Variants in NRXN3 observed in about 807,000 individuals in gnomAD.
NRXN3 encodes the protein neurexin 3.
A neutral mutation model predicts 137.6 loss-of-function variants in NRXN3; 32 were observed. That is an observed-to-expected ratio of 0.23 (90% confidence interval 0.18 to 0.31). NRXN3 has a LOEUF of 0.31. Ranked by LOEUF, NRXN3 falls within the 10% of genes least tolerant of loss-of-function variation. NRXN3 has a pLI of 1.00. For missense variants in NRXN3, 1,574 were observed against 2,062.5 expected, an observed-to-expected ratio of 0.76 and a Z score of 4.59; for synonymous variants, 798 against 784.5, an observed-to-expected ratio of 1.02 and a Z score of -0.29.
chr14:78,206,919 A>C (rs1359139721), intron 1 of NRXN3, among the ~76,000 whole-genome samples: 1 of 151,782 alleles, frequency 6.6e-6, no homozygotes, highest in African/African-American at 2.4e-5. Flanking sequence ...GCTGGAGTGC[A>C]GTGGTGAGAT....
intron 10 of NRXN3, among the ~76,000 whole-genome samples, chr14:78,866,117 T>G (rs942684138): frequency 1.3e-5 from 2 of 152,208 alleles, no homozygotes; most frequent in African/African-American, 2.4e-5. Flanking sequence ...TACAGATGTT[T>G]GGATCACTGA....
At chr14:78,606,065 A>C (rs891944211) in intron 4 of NRXN3, among the ~76,000 whole-genome samples, 1 of 152,064 alleles carries the variant, frequency 6.6e-6, no homozygotes, top group Admixed American at 6.6e-5. Context: ...AAGAGAGAGG[A>C]AAAAAAGATC....
chr14:79,668,785 G>A (rs950829867), intron 17 of NRXN3, among the ~76,000 whole-genome samples: 1 of 151,982 alleles, frequency 6.6e-6, no homozygotes, highest in Non-Finnish European at 1.5e-5. Context: ...CCACTCTCAT[G>A]TTTCCACAAG....
chr14:78,728,682 G>A (rs1369032014), intron 8 of NRXN3, among the ~76,000 whole-genome samples: 1 of 152,018 alleles, frequency 6.6e-6, no homozygotes, highest in African/African-American at 2.4e-5. Flanking sequence ...CGGATCACGA[G>A]GTCATGAGTT....
At chr14:79,707,052 G>A (rs1293144923) in intron 19 of NRXN3, among the ~76,000 whole-genome samples, 2 of 152,066 alleles carry the variant, frequency 1.3e-5, no homozygotes, top group East Asian at 1.9e-4. Flanking sequence ...TATATTGTGT[G>A]AGCACCATTT....
chr14:79,154,631 C>T (rs921015469), intron 15 of NRXN3, among the ~76,000 whole-genome samples: 2 of 151,738 alleles, frequency 1.3e-5, no homozygotes, highest in African/African-American at 4.8e-5. Flanking sequence ...CCTCATTTAA[C>T]CTCTCTAGAC....
At chr14:78,656,771 C>A (rs936692973) in intron 6 of NRXN3, among the ~76,000 whole-genome samples, 2 of 152,166 alleles carry the variant, frequency 1.3e-5, no homozygotes, top group East Asian at 3.9e-4. Flanking sequence ...CGGCCGAGTG[C>A]GGTGGCTTAC....
intron 15 of NRXN3, among the ~76,000 whole-genome samples, chr14:79,381,433 A>G (rs1222860039): frequency 6.6e-6 from 1 of 152,092 alleles, no homozygotes; most frequent in African/African-American, 2.4e-5. Flanking sequence ...TATCATCAGA[A>G]TACCTGGCCC....
At chr14:78,226,946 T>C (rs904218366) in intron 1 of NRXN3, among the ~76,000 whole-genome samples, 1 of 152,202 alleles carries the variant, frequency 6.6e-6, no homozygotes, top group Non-Finnish European at 1.5e-5. Flanking sequence ...GGTGGGCCCA[T>C]TGTGTGCCAT....
intron 2 of NRXN3, among the ~76,000 whole-genome samples, chr14:78,252,436 A>G (rs1312801946): frequency 6.6e-6 from 1 of 152,166 alleles, no homozygotes; most frequent in African/African-American, 2.4e-5. Flanking sequence ...TGAAATGCAT[A>G]TAGGATCCTT....
At chr14:78,785,510 A>G (rs1011622720) in intron 8 of NRXN3, among the ~76,000 whole-genome samples, 1 of 152,212 alleles carries the variant, frequency 6.6e-6, no homozygotes, top group Non-Finnish European at 1.5e-5. Flanking sequence ...TGTTCCCTGT[A>G]GACTCATAAA....
At chr14:79,233,308 T>G (rs550580893) in intron 15 of NRXN3, among the ~76,000 whole-genome samples, 42 of 152,188 alleles carry the variant, frequency 2.8e-4, no homozygotes, top group African/African-American at 1.0e-3. Context: ...GGGAGTCAAC[T>G]GTGCGCAACG....
At chr14:78,196,162 G>A (rs1305595123) in intron 1 of NRXN3, among the ~76,000 whole-genome samples, 1 of 152,216 alleles carries the variant, frequency 6.6e-6, no homozygotes, top group African/African-American at 2.4e-5. Context: ...CACCTCCTGG[G>A]CAGGGCTCCT....
At chr14:78,708,425 A>C (rs140772989) in intron 6 of NRXN3, 1 of 152,218 alleles carries the variant, frequency 6.6e-6, no homozygotes, top group Non-Finnish European at 1.5e-5. Context: ...GGCACATGCA[A>C]TGTGCAAAAA....
Position 78,288,097 on chromosome 14 carries a change from A to G in NRXN3, c.727+9435A>G, listed in dbSNP as rs370966070. Among the ~76,000 whole-genome samples, 7 of 152,172 alleles carry G rather than the reference A, an allele frequency of 4.6e-5. No homozygotes were observed. The East Asian group carries it at 1.2e-3, about 25-fold the overall frequency. On this transcript the variant is annotated intron_variant, in intron 3 of 20. Transcript: ENST00000335750. ...CAAGTTCAAGCGATTCTCCTGCCTC[A>G]GCCTCCTGAGTAGCTGGGATTACAG...
intron 8 of NRXN3, among the ~76,000 whole-genome samples, chr14:78,740,776 A>T (rs1172024336): frequency 3.3e-5 from 5 of 151,316 alleles, no homozygotes; most frequent in Admixed American, 3.3e-4. Flanking sequence ...ATCAGTGATA[A>T]TTTTCTTCTC....
intron 15 of NRXN3, among the ~76,000 whole-genome samples, chr14:79,459,503 A>T (rs1443206899): frequency 6.6e-6 from 1 of 152,068 alleles, no homozygotes; most frequent in Non-Finnish European, 1.5e-5. Context: ...ACAAGCCAAT[A>T]GAGAAGCTGT....
At chr14:78,566,331 CA>C (rs1236583478) in intron 4 of NRXN3, among the ~76,000 whole-genome samples, 1 of 150,954 alleles carries the variant, frequency 6.6e-6, no homozygotes, top group Non-Finnish European at 1.5e-5. Context: ...GAAGTGGATG[CA>C]AAAAAATATC....
chr14:79,378,361 CA>C (rs2094366446), intron 15 of NRXN3, among the ~76,000 whole-genome samples: 2 of 152,098 alleles, frequency 1.3e-5, no homozygotes, highest in South Asian at 4.2e-4. Context: ...CATCCAAAAC[CA>C]GTCATTAGGG....
Sources: gnomAD v4.1 joint callset for allele counts (sites outside exome capture counted in the v4.1 genomes callset) on GRCh38, gnomAD v4.1.1 for gene constraint, MANE v1.5 for transcripts, NCBI Gene and HGNC (gene_info 2026-07-23, HGNC 2026-07-21) for gene names.